TPGS1: variants seen among roughly 807,000 people sequenced by gnomAD.
The protein encoded by TPGS1 is tubulin polyglutamylase complex subunit 1.
Under a neutral mutation model 11.9 loss-of-function variants are expected in TPGS1, and 18 were observed. The ratio of observed to expected loss-of-function variants is 1.51; its 90% CI spans 1.04 to 2.24. The LOEUF is 2.24. Ranked by LOEUF, TPGS1 falls within the 30% of genes most tolerant of loss-of-function variation. TPGS1 has a pLI of 0.00. For missense variants in TPGS1, 500 were observed against 443.0 expected, an observed-to-expected ratio of 1.13 and a Z score of -1.16; for synonymous variants, 247 against 218.2, an observed-to-expected ratio of 1.13 and a Z score of -1.16.
chr19:514,134 C>G (rs2145833370), intron 1 of TPGS1, among the ~76,000 whole-genome samples: 1 of 151,532 alleles, frequency 6.6e-6, no homozygotes, highest in South Asian at 2.1e-4. Context: ...GTACACCAGC[C>G]CTGTATTACT....
In TPGS1 at chr19:519,463, G is replaced by GC; in HGVS notation, c.*40_*41insC. The GC allele has an allele frequency of 8.4e-7, 1 of 1,187,894 alleles. No homozygotes were observed. Among genetic ancestry groups the GC allele is most frequent in the Non-Finnish European group, 1.0e-6 (1 of 958,950 alleles). The allele number at this position is 1,187,894 out of a possible 1,614,324, so 73.6% of individuals were successfully genotyped here. ...GCGGATCCGGGATCTGCGCTGGGGG[G>GC]TCCCCGCGTGCGGGGCGCGCGGAGC... On this transcript the variant is annotated 3_prime_UTR_variant, in exon 2 of 2. Coordinates refer to ENST00000359315, the MANE Select transcript of TPGS1 (RefSeq NM_033513.3).
At chr19:510,925 C>T (rs1433455676) in intron 1 of TPGS1, among the ~76,000 whole-genome samples, 2 of 152,222 alleles carry the variant, frequency 1.3e-5, no homozygotes, top group Non-Finnish European at 2.9e-5. Flanking sequence ...AGGAGCTCCC[C>T]GAGTCGTGAC....
In TPGS1 at chr19:507,690, G is replaced by C. The variant is rs1021155967; in HGVS notation, c.184G>C (p.Glu62Gln). 4 of 1,380,864 alleles carry C rather than the reference G, an allele frequency of 2.9e-6. No homozygotes were observed. Among genetic ancestry groups the C allele is most frequent in the Non-Finnish European group, 2.8e-6 (3 of 1,057,950 alleles). 85.5% of individuals were successfully genotyped at this position (1,380,864 alleles called of 1,614,324 possible). A position where few individuals can be genotyped will look rare whatever the true frequency, so the allele number is the denominator to read the frequency against. Residue 62 changes from glutamate to glutamine, a missense_variant, in exon 1 of 2, where the codon GAG becomes CAG. Coordinates refer to ENST00000359315, the MANE Select transcript of TPGS1 (RefSeq NM_033513.3). The part of the protein sequence containing the change: ...LLKVLEARPE[E>Q]PIAFLAHYFE... Reference sequence around the variant, plus strand: ...GAAGGTGCTGGAGGCGCGGCCCGAGGAGCCGATCGCCTTCCTGGCTCACTA... The same window carrying C: ...GAAGGTGCTGGAGGCGCGGCCCGAGCAGCCGATCGCCTTCCTGGCTCACTA...
In TPGS1 at chr19:519,458, G is replaced by A. The variant is rs1979083409; in HGVS notation, c.*35G>A. ...GCCGCGCGGATCCGGGATCTGCGCT[G>A]GGGGGTCCCCGCGTGCGGGGCGCGC... On this transcript the variant is annotated 3_prime_UTR_variant, in exon 2 of 2. Coordinates refer to ENST00000359315, the MANE Select transcript of TPGS1 (RefSeq NM_033513.3). The A allele has an allele frequency of 1.7e-6, 2 of 1,188,436 alleles. No homozygotes were observed. Among genetic ancestry groups the A allele is most frequent in the Middle Eastern group, 3.0e-4 (1 of 3,290 alleles). The allele number at this position is 1,188,436 out of a possible 1,614,324, so 73.6% of individuals were successfully genotyped here. A position where few individuals can be genotyped will look rare whatever the true frequency, so the allele number is the denominator to read the frequency against.
In TPGS1 at chr19:507,799, TG is replaced by T; in HGVS notation, c.296del (p.Gly99AlafsTer22). ...CAGCTCCTGCTGCAGCAGCAGCGCCTGGGCCGCGCGCTATGGCACCTTCGCC... is the reference window on the plus strand; with the variant it reads ...CAGCTCCTGCTGCAGCAGCAGCGCCTGGCCGCGCGCTATGGCACCTTCGCC... ...PGQLLLQQQR[L>X]GRALWHLRLA... On this transcript the variant is annotated frameshift_variant, in exon 1 of 2. Coordinates refer to ENST00000359315, the MANE Select transcript of TPGS1 (RefSeq NM_033513.3). LOFTEE classifies it high-confidence loss of function. 7.2e-7 allele frequency: 1 copy of T among 1,381,172 alleles called. No individual in the cohort carries two copies. Among genetic ancestry groups the T allele is most frequent in the Non-Finnish European group, 9.3e-7 (1 of 1,071,380 alleles). 85.6% of individuals were successfully genotyped at this position (1,381,172 alleles called of 1,614,324 possible). A position where few individuals can be genotyped will look rare whatever the true frequency, so the allele number is the denominator to read the frequency against.
In TPGS1 at chr19:514,994, C is replaced by T. The variant is rs556215223; in HGVS notation, c.339-3895C>T. Among the ~76,000 whole-genome samples the T allele has an allele frequency of 2.6e-5, 4 of 152,314 alleles. No homozygotes were observed. In the South Asian group the frequency reaches 8.3e-4, roughly 32 times the overall value. On this transcript the variant is annotated intron_variant, in intron 1 of 1. Transcript: ENST00000359315. ...ACTGGGGCAGGGAATCGAACCCACC[C>T]CAGAGCCGGCAGCAGGGCTGACAGC...
chr19:513,138 G>A (rs1348147888), intron 1 of TPGS1, among the ~76,000 whole-genome samples: 1 of 152,174 alleles, frequency 6.6e-6, no homozygotes, highest in Non-Finnish European at 1.5e-5. Context: ...CAGCCTGCCC[G>A]GCCTCACAGC....
Position 519,525 on chromosome 19 carries a change from G to T in TPGS1, c.*102G>T, listed in dbSNP as rs1979085997. On this transcript the variant is annotated 3_prime_UTR_variant, in exon 2 of 2. Coordinates refer to ENST00000359315, the MANE Select transcript of TPGS1 (RefSeq NM_033513.3). The stretch of plus-strand genomic sequence containing the variant: ...CCTGGTGAGGCCCTGCCATAACCAG[G>T]CGCCCAGCCCTGCGGAGGAGGCCGG... 4.6e-6 allele frequency: 5 copies of T among 1,079,228 alleles called. No individual in the cohort carries two copies. The Admixed American group carries it at 1.4e-4, about 31-fold the overall frequency. 66.9% of individuals were successfully genotyped at this position (1,079,228 alleles called of 1,614,324 possible).
intron 1 of TPGS1, among the ~76,000 whole-genome samples, chr19:511,321 T>C (rs1244647710): frequency 2.0e-5 from 3 of 152,356 alleles, no homozygotes; most frequent in Admixed American, 1.3e-4. Context: ...GCGGCCGCCT[T>C]GAAGTGGGCT....
chr19:518,745 C>T, intron 1 of TPGS1, 144 bp from the exon 2 acceptor site: 1 of 831,444 alleles, frequency 1.2e-6, no homozygotes, highest in Non-Finnish European at 1.7e-6. Flanking sequence ...GGAGGGGAGG[C>T]CGGGGATGGG....
Position 518,987 on chromosome 19 carries a change from T to G in TPGS1, c.437T>G (p.Leu146Arg), listed in dbSNP as rs906410170. ...CTGGACGGGCGCACCTACAGCGAGC[T>G]GCTCAGGCGCATCTGCCGGGACGGC... is the stretch of plus-strand genomic sequence containing the variant. ...PGLDGRTYSE[L>R]LRRICRDGQA... Residue 146 changes from leucine to arginine, a missense_variant, in exon 2 of 2, where the codon CTG becomes CGG. Coordinates refer to ENST00000359315, the MANE Select transcript of TPGS1 (RefSeq NM_033513.3). 1.3e-6 allele frequency: 2 copies of G among 1,581,432 alleles called. No individual in the cohort carries two copies. Among genetic ancestry groups the G allele is most frequent in the Non-Finnish European group, 1.7e-6 (2 of 1,171,386 alleles).
At chr19:514,145 G>GC in intron 1 of TPGS1, among the ~76,000 whole-genome samples, 1 of 149,948 alleles carries the variant, frequency 6.7e-6, no homozygotes, top group South Asian at 2.1e-4. Flanking sequence ...CTGTATTACT[G>GC]AGCACCCACT....
In TPGS1 at chr19:519,334, G is replaced by A; in HGVS notation, c.784G>A (p.Gly262Arg). 8.4e-7 allele frequency: 1 copy of A among 1,196,982 alleles called. No homozygotes were observed. Among genetic ancestry groups the A allele is most frequent in the Non-Finnish European group, 1.0e-6 (1 of 965,420 alleles). The allele number at this position is 1,196,982 out of a possible 1,614,324, so 74.1% of individuals were successfully genotyped here. ...LALALDRAVG[G>R]RRPSAPMTRE... The stretch of plus-strand genomic sequence containing the variant: ...GCTGGCGCTGGACCGCGCCGTCGGG[G>A]GGCGGCGGCCCAGCGCGCCCATGAC... The change falls in exon 2 of 2, where the codon GGG becomes AGG. Residue 262 changes from glycine to arginine, a missense_variant. By Grantham distance (125) the Gly-to-Arg change is moderately radical (BLOSUM62 -2). Coordinates refer to ENST00000359315, the MANE Select transcript of TPGS1 (RefSeq NM_033513.3).
intron 1 of TPGS1, among the ~76,000 whole-genome samples, chr19:512,030 C>T (rs1978812402): frequency 6.6e-6 from 1 of 152,120 alleles, no homozygotes; most frequent in South Asian, 2.1e-4. Flanking sequence ...CCCACCACAC[C>T]CGGCTAATTT....
intron 1 of TPGS1, among the ~76,000 whole-genome samples, chr19:518,020 G>T (rs2145835490): frequency 9.3e-6 from 1 of 107,786 alleles, no homozygotes; most frequent in Non-Finnish European, 1.9e-5. Flanking sequence ...TGGGGGTGCT[G>T]GTGGGGAGGG....
Position 514,567 on chromosome 19 carries a change from C to G in TPGS1, c.339-4322C>G, listed in dbSNP as rs151242586. ...CTACTGCATGCTGGCTTAGCACTTC[C>G]CCGGCACCTACCACAGGTGGCCCAC... On this transcript the variant is annotated intron_variant, in intron 1 of 1. Coordinates refer to ENST00000359315, the MANE Select transcript of TPGS1 (RefSeq NM_033513.3). Among the ~76,000 whole-genome samples, 392 of 152,338 alleles carry G rather than the reference C, an allele frequency of 2.6e-3. 1 individual carries two copies. Among genetic ancestry groups the G allele is most frequent in the Non-Finnish European group, 4.5e-3 (304 of 68,026 alleles).
At position 519,161 on chromosome 19, in the gene TPGS1, T is replaced by G; in HGVS notation, c.611T>G (p.Leu204Arg). The change falls in exon 2 of 2, where the codon CTG becomes CGG. Residue 204 changes from leucine (L) to arginine (R), a missense_variant. Transcript: ENST00000359315. ...GCGCGCGCCGGCGCGCTCTTCCAGC[T>G]GCTGGAGGACTCGGCCGCCGCCGTG... ...FVARAGALFQLLEDSAAAVAD... is the reference protein window; with the variant it reads ...FVARAGALFQRLEDSAAAVAD... The G allele has an allele frequency of 6.6e-7, 1 of 1,507,280 alleles. No individual in the cohort carries two copies. The highest frequency in any genetic ancestry group is 1.4e-5 in the African/African-American group (1 of 69,270). 93.4% of individuals were successfully genotyped at this position (1,507,280 alleles called of 1,614,324 possible). A position where few individuals can be genotyped will look rare whatever the true frequency, so the allele number is the denominator to read the frequency against.
chr19:514,334 G>A (rs950284375), intron 1 of TPGS1, among the ~76,000 whole-genome samples: 36 of 131,810 alleles, frequency 2.7e-4, no homozygotes, highest in Non-Finnish European at 4.8e-4. Flanking sequence ...CCGACCCCAC[G>A]TTTACTAAGC....
rs1455464608 is a variant in TPGS1 at position 507,816 on chromosome 19, C to T, written c.310C>T (p.His104Tyr). 5.2e-6 allele frequency: 7 copies of T among 1,357,204 alleles called. No homozygotes were observed. The East Asian group carries it at 2.1e-4, about 41-fold the overall frequency. The allele number at this position is 1,357,204 out of a possible 1,614,324, so 84.1% of individuals were successfully genotyped here. A position where few individuals can be genotyped will look rare whatever the true frequency, so the allele number is the denominator to read the frequency against. Residue 104 changes from histidine (H) to tyrosine (Y), a missense_variant, in exon 1 of 2, where the codon CAC becomes TAC. His to Tyr is a moderately conservative substitution (Grantham distance 83). Transcript: ENST00000359315. ...GCAGCGCCTGGGCCGCGCGCTATGG[C>T]ACCTTCGCCTGGCCCACCACTCCCA... is the stretch of plus-strand genomic sequence containing the variant. ...QQQRLGRALWHLRLAHHSQRA... is the reference protein window; with the variant it reads ...QQQRLGRALWYLRLAHHSQRA...
Sources: gnomAD v4.1 joint callset for allele counts (sites outside exome capture counted in the v4.1 genomes callset) on GRCh38, gnomAD v4.1.1 for gene constraint, MANE v1.5 for transcripts, NCBI Gene and HGNC (gene_info 2026-07-23, HGNC 2026-07-21) for gene names.